Variants in NEK10 observed in about 807,000 individuals in gnomAD.
NEK10 encodes serine/threonine-protein kinase Nek10.
A neutral mutation model predicts 159.8 loss-of-function variants in NEK10; 122 were observed. The ratio of observed to expected loss-of-function variants is 0.76; its 90% CI spans 0.66 to 0.89. NEK10 has a LOEUF of 0.89. Among genes scored for constraint, NEK10 ranks in the 40% least tolerant of loss-of-function variants. The pLI is 0.00. For missense variants in NEK10, 1,342 were observed against 1,323.1 expected, an observed-to-expected ratio of 1.01 and a Z score of -0.22; for synonymous variants, 466 against 457.1, an observed-to-expected ratio of 1.02 and a Z score of -0.25.
intron 35 of NEK10, among the ~76,000 whole-genome samples, chr3:27,114,543 G>A (rs111475243): frequency 1.6e-4 from 25 of 152,102 alleles, no homozygotes; most frequent in African/African-American, 5.6e-4. Context: ...CCTTGAAATG[G>A]GAGAAGTAGA....
chr3:27,249,577 CT>C (rs1955441646), intron 23 of NEK10, among the ~76,000 whole-genome samples: 1 of 151,982 alleles, frequency 6.6e-6, no homozygotes, highest in South Asian at 2.1e-4. Flanking sequence ...CATGGAATAT[CT>C]TTTTCCTTCT....
At chr3:27,223,818 G>C (rs74622910) in intron 23 of NEK10, among the ~76,000 whole-genome samples, 1,987 of 152,206 alleles carry the variant, frequency 0.013, 25 homozygotes, top group Non-Finnish European at 0.019. Flanking sequence ...GTTGCTTATT[G>C]GACATAACAG....
intron 31 of NEK10, 112 bp from the exon 32 acceptor site, chr3:27,132,102 G>T (rs1020230949): frequency 6.5e-6 from 3 of 464,152 alleles, no homozygotes; most frequent in Non-Finnish European, 7.7e-6. Flanking sequence ...ATAGGACTAT[G>T]TAAGAATTTA....
rs753173414 is a variant in NEK10, at chr3:27,119,792, C to G, written c.3158G>C (p.Gly1053Ala). 1.6e-5 allele frequency: 26 copies of G among 1,613,938 alleles called. No individual in the cohort carries two copies. The highest frequency in any genetic ancestry group is 2.2e-5 in the Non-Finnish European group (26 of 1,179,870). ...ADYHLLHRSS[G>A]GNSLSPNDPT... is the part of the protein sequence containing the mutation. The stretch of plus-strand genomic sequence containing the variant: ...GTCATTTGGGGACAGGCTGTTTCCA[C>G]CGGATGAACGATGTAATAAATGGTA... The change falls in exon 33 of 36, where the codon GGT becomes GCT. Residue 1053 changes from glycine (G) to alanine (A), a missense_variant. Gly to Ala is a moderately conservative substitution (Grantham distance 60). Coordinates refer to ENST00000691995, the MANE Select transcript of NEK10 (RefSeq NM_001394966.1).
intron 22 of NEK10, among the ~76,000 whole-genome samples, chr3:27,271,514 T>A (rs554394109): frequency 3.9e-5 from 6 of 152,338 alleles, no homozygotes; most frequent in African/African-American, 1.4e-4. Context: ...ATCTTATTCT[T>A]ACTAAAATGC....
rs556917062 is a variant in NEK10 at position 27,254,653 on chromosome 3, AAG to A, written c.2090+1641_2090+1642del. 9.6e-4 allele frequency among the ~76,000 whole-genome samples: 146 copies of A among 152,286 alleles called. 4 individuals are homozygous for A. In the South Asian group the frequency reaches 0.029, roughly 30 times the overall value. On this transcript the variant is annotated intron_variant, in intron 23 of 35. Coordinates refer to ENST00000691995, the MANE Select transcript of NEK10 (RefSeq NM_001394966.1). ...CGGAGAGATGAGAGAAGGGAGTAGA[AAG>A]AAATTTTTAAAGCAATTTAAAAGAA...
intron 35 of NEK10, 83 bp downstream of exon 35, chr3:27,115,857 G>A (rs983735858): frequency 2.0e-6 from 2 of 1,021,062 alleles, no homozygotes; most frequent in Non-Finnish European, 3.0e-6. Flanking sequence ...AAATCCCTCT[G>A]GAATAAAGGA....
chr3:27,222,026 G>A (rs1952150385), intron 23 of NEK10, among the ~76,000 whole-genome samples: 1 of 152,168 alleles, frequency 6.6e-6, no homozygotes, highest in Admixed American at 6.5e-5. Flanking sequence ...GGTAGGAAGG[G>A]GAAGTAGGAT....
At chr3:27,115,424 T>C (rs772772458) in intron 35 of NEK10, among the ~76,000 whole-genome samples, 16 of 152,150 alleles carry the variant, frequency 1.1e-4, no homozygotes, top group Non-Finnish European at 1.9e-4. Flanking sequence ...AACATACAGC[T>C]CCAGTAAATG....
At chr3:27,140,824 T>C (rs141355114) in intron 31 of NEK10, among the ~76,000 whole-genome samples, 81 of 152,294 alleles carry the variant, frequency 5.3e-4, no homozygotes, top group Non-Finnish European at 7.6e-4. Flanking sequence ...AATGAATGAA[T>C]AAACCACATA....
chr3:27,269,651 A>G (rs2041179972), intron 22 of NEK10, among the ~76,000 whole-genome samples: 1 of 152,202 alleles, frequency 6.6e-6, no homozygotes, highest in African/African-American at 2.4e-5. Context: ...TGAAAAACCA[A>G]AAAGTTTATA....
intron 23 of NEK10, among the ~76,000 whole-genome samples, chr3:27,235,110 C>G (rs567573617): frequency 1.8e-4 from 27 of 152,056 alleles, no homozygotes; most frequent in African/African-American, 4.8e-4. Context: ...ACACAAAAAT[C>G]AACTCAAGAT....
chr3:27,309,047 A>G lies in NEK10; in HGVS notation c.637-42T>C, dbSNP rs576332709. ...AATAAAGTTTAATTATATAAGTACT[A>G]CAAGCTTCTTTTTTCAACATTAACA... is the stretch of plus-strand genomic sequence containing the variant. On this transcript the variant is annotated intron_variant, in intron 9 of 35. Coordinates refer to ENST00000691995, the MANE Select transcript of NEK10 (RefSeq NM_001394966.1). 9.0e-6 allele frequency: 9 copies of G among 1,003,164 alleles called. No individual in the cohort carries two copies. In the African/African-American group the frequency reaches 1.3e-4, roughly 14 times the overall value. The allele number at this position is 1,003,164 out of a possible 1,614,324, so 62.1% of individuals were successfully genotyped here.
At chr3:27,291,097 A>G (rs1004677522) in intron 18 of NEK10, among the ~76,000 whole-genome samples, 165 bp downstream of exon 18, 8 of 152,392 alleles carry the variant, frequency 5.2e-5, no homozygotes, top group African/African-American at 1.7e-4. Flanking sequence ...AGCTAAAACA[A>G]TATTAGTGTG....
At chr3:27,136,344 CCTTGTGATCCA>C (rs1943214406) in intron 31 of NEK10, among the ~76,000 whole-genome samples, 3 of 151,948 alleles carry the variant, frequency 2.0e-5, no homozygotes. Context: ...GATCTCCTGA[CCTTGTGATCCA>C]CCTGTCTCAG....
intron 29 of NEK10, among the ~76,000 whole-genome samples, chr3:27,171,368 C>T (rs1265439866): frequency 6.6e-6 from 1 of 152,144 alleles, no homozygotes; most frequent in Non-Finnish European, 1.5e-5. Context: ...TCGGTCATAT[C>T]CTTAAAAGGA....
At chr3:27,180,237 A>C (rs891528986) in intron 26 of NEK10, among the ~76,000 whole-genome samples, 13 of 152,188 alleles carry the variant, frequency 8.5e-5, no homozygotes, top group African/African-American at 2.6e-4. Flanking sequence ...TCTACTAAAA[A>C]TATAAAAATT....
At chr3:27,240,973 T>C (rs1296616174) in intron 23 of NEK10, among the ~76,000 whole-genome samples, 1 of 152,128 alleles carries the variant, frequency 6.6e-6, no homozygotes, top group African/African-American at 2.4e-5. Context: ...TATTTTAAAA[T>C]GATCATTACC....
intron 1 of NEK10, among the ~76,000 whole-genome samples, chr3:27,362,975 T>C (rs563403307): frequency 3.6e-4 from 55 of 152,254 alleles, no homozygotes; most frequent in Middle Eastern, 3.4e-3. Context: ...TTTGACCAAT[T>C]ATGCCCTTAT....
Sources: gnomAD v4.1 joint callset for allele counts (sites outside exome capture counted in the v4.1 genomes callset) on GRCh38, gnomAD v4.1.1 for gene constraint, MANE v1.5 for transcripts, NCBI Gene and HGNC (gene_info 2026-07-23, HGNC 2026-07-21) for gene names.